Variants in BRI3BP observed in about 807,000 individuals in gnomAD.
The protein encoded by BRI3BP is BRI3 binding protein.
In BRI3BP, 7 loss-of-function variants were observed where a neutral mutation model predicts 15.8. The observed-to-expected ratio is 0.44, with a 90% CI of 0.25 to 0.83. BRI3BP has a LOEUF of 0.83. Ranked by LOEUF, BRI3BP falls within the 40% of genes least tolerant of loss-of-function variation. The pLI is 0.20. For synonymous variants in BRI3BP, 192 were observed against 163.5 expected, an observed-to-expected ratio of 1.17 and a Z score of -1.33; for missense variants, 320 against 339.3, an observed-to-expected ratio of 0.94 and a Z score of 0.45.
chr12:125,033,812 G>A (rs934119715), downstream of BRI3BP, among the ~76,000 whole-genome samples: 2 of 150,440 alleles, frequency 1.3e-5, no homozygotes, highest in South Asian at 2.1e-4. Flanking sequence ...GTGAGATCTC[G>A]CCTCACTGCA....
At chr12:125,003,957 A>ACACC (rs1491245989) in intron 1 of BRI3BP, among the ~76,000 whole-genome samples, 1 of 5,184 alleles carries the variant, frequency 1.9e-4, no homozygotes, top group African/African-American at 4.1e-3. Context: ...CATCTCAAAA[A>ACACC]CACACACACA....
At chr12:125,003,984 C>A (rs1955120046) in intron 1 of BRI3BP, among the ~76,000 whole-genome samples, 1 of 150,648 alleles carries the variant, frequency 6.6e-6, no homozygotes, top group African/African-American at 2.4e-5. Context: ...CACACACACA[C>A]ACACACACAC....
At chr12:125,017,042 G>C in intron 2 of BRI3BP, among the ~76,000 whole-genome samples, 1 of 147,760 alleles carries the variant, frequency 6.8e-6, no homozygotes, top group African/African-American at 2.5e-5. Flanking sequence ...TTCTGAGACC[G>C]AGTATTGCTC....
chr12:125,008,302 T>TTC (rs1955165454), intron 1 of BRI3BP, among the ~76,000 whole-genome samples: 2 of 55,904 alleles, frequency 3.6e-5, no homozygotes, highest in Admixed American at 3.6e-4. Flanking sequence ...CTTCTTTCTT[T>TTC]TTTTTTTTTT....
chr12:125,042,787 T>C, the BRI3BP span, among the ~76,000 whole-genome samples: 1 of 152,272 alleles, frequency 6.6e-6, no homozygotes, highest in African/African-American at 2.4e-5. Context: ...TCTGCCCCTC[T>C]TGGCCTCCCA....
Position 125,029,579 on chromosome 12 carries a change from T to TATATATAC in BRI3BP, c.*4150_*4151insTATATACA, listed in dbSNP as rs149881846. ...GTGTGTATATATATGTATATATATATACACACACACACACTTTCCAATACC... is the reference window on the plus strand; with the variant it reads ...GTGTGTATATATATGTATATATATATATATATACACACACACACACACTTTCCAATACC... On this transcript the variant is annotated 3_prime_UTR_variant, in exon 3 of 3. Coordinates refer to ENST00000341446, the MANE Select transcript of BRI3BP (RefSeq NM_080626.6). 1 of 147,540 alleles carries TATATATAC rather than the reference T, an allele frequency of 6.8e-6. No homozygotes were observed. Among genetic ancestry groups the TATATATAC allele is most frequent in the African/African-American group, 2.5e-5 (1 of 39,520 alleles). The allele number at this position is 147,540 out of a possible 1,614,324, so 9.1% of individuals were successfully genotyped here. A position where few individuals can be genotyped will look rare whatever the true frequency, so the allele number is the denominator to read the frequency against.
At chr12:124,994,071 C>T (rs1465151181) in intron 1 of BRI3BP, 68 bp downstream of exon 1, 2 of 1,076,172 alleles carry the variant, frequency 1.9e-6, no homozygotes, top group Non-Finnish European at 2.3e-6. Context: ...CCGGGGCCGA[C>T]CTGGGAGGAG....
rs569239346 is a variant in BRI3BP at position 125,026,636 on chromosome 12, T to A, written c.*1206T>A. On this transcript the variant is annotated 3_prime_UTR_variant, in exon 3 of 3. Transcript: ENST00000341446. Reference sequence around the variant, plus strand: ...TCAGGGGCTGGTAGAAACCCCCTTTTGTTAGGACTTGTTTTTTAAAAAAGA... The same window carrying A: ...TCAGGGGCTGGTAGAAACCCCCTTTAGTTAGGACTTGTTTTTTAAAAAAGA... 6.6e-6 allele frequency: 1 copy of A among 152,172 alleles called. No individual in the cohort carries two copies. Among genetic ancestry groups the A allele is most frequent in the South Asian group, 2.1e-4 (1 of 4,802 alleles). 9.4% of individuals were successfully genotyped at this position (152,172 alleles called of 1,614,324 possible).
the BRI3BP span, among the ~76,000 whole-genome samples, chr12:125,039,250 A>G: frequency 6.6e-6 from 1 of 152,226 alleles, no homozygotes; most frequent in Non-Finnish European, 1.5e-5. Context: ...CTGCACAGAG[A>G]GTGCAAGGCC....
At chr12:125,000,989 A>C (rs1955086658) in intron 1 of BRI3BP, among the ~76,000 whole-genome samples, 1 of 152,218 alleles carries the variant, frequency 6.6e-6, no homozygotes, top group Admixed American at 6.5e-5. Context: ...TTTAGTGTTC[A>C]TGTCTCTAGT....
Position 124,993,835 on chromosome 12 carries a change from CCTGCTGCTGCTG to C in BRI3BP, c.63_74del (p.Leu22_Leu25del), listed in dbSNP as rs61379857. 2.3e-4 allele frequency: 266 copies of C among 1,148,832 alleles called. No homozygotes were observed. Among genetic ancestry groups the C allele is most frequent in the African/African-American group, 1.7e-3 (101 of 59,730 alleles). 71.2% of individuals were successfully genotyped at this position (1,148,832 alleles called of 1,614,324 possible). ...GCGGGCCCCTGGCCCGGGCCGGGCT[CCTGCTGCTGCTG>C]CTGCTGCTGCTGCTGCTCGGGCTGC... On this transcript the variant is annotated inframe_deletion, in exon 1 of 3. Coordinates refer to ENST00000341446, the MANE Select transcript of BRI3BP (RefSeq NM_080626.6).
the BRI3BP span, among the ~76,000 whole-genome samples, chr12:125,039,884 C>A: frequency 3.3e-5 from 5 of 152,182 alleles, no homozygotes; most frequent in Non-Finnish European, 5.9e-5. Context: ...TGTGTGCTCT[C>A]CAAACAGAAT....
intron 1 of BRI3BP, among the ~76,000 whole-genome samples, chr12:125,001,509 G>A (rs913662064): frequency 5.9e-5 from 9 of 152,084 alleles, no homozygotes; most frequent in Non-Finnish European, 1.0e-4. Flanking sequence ...ACAAGCATGT[G>A]CCACCATGCC....
Position 124,993,923 on chromosome 12 carries a change from A to G in BRI3BP, c.133A>G (p.Ser45Gly). The change falls in exon 1 of 3, where the codon AGC becomes GGC. Residue 45 changes from serine to glycine, a missense_variant. By Grantham distance (56) the Ser-to-Gly change is moderately conservative. Transcript: ENST00000341446. ...GGGCCGCGGCGGCGCGGAGAAGAAC[A>G]GCTACCGCCGCACGGTCAACACCTT... ...ARGRGGAEKNSYRRTVNTFSQ... is the reference protein window; with the variant it reads ...ARGRGGAEKNGYRRTVNTFSQ... 7.5e-7 allele frequency: 1 copy of G among 1,334,164 alleles called. No individual in the cohort carries two copies. The highest frequency in any genetic ancestry group is 9.7e-7 in the Non-Finnish European group (1 of 1,031,878). The allele number at this position is 1,334,164 out of a possible 1,614,324, so 82.6% of individuals were successfully genotyped here. A position where few individuals can be genotyped will look rare whatever the true frequency, so the allele number is the denominator to read the frequency against.
At chr12:125,021,005 C>T (rs1018265328) in intron 2 of BRI3BP, among the ~76,000 whole-genome samples, 4 of 152,168 alleles carry the variant, frequency 2.6e-5, no homozygotes, top group Non-Finnish European at 2.9e-5. Context: ...GCTCTGGGGA[C>T]GCTTCAATAA....
intron 2 of BRI3BP, among the ~76,000 whole-genome samples, chr12:125,022,479 CTG>C (rs1955306744): frequency 6.7e-6 from 1 of 149,924 alleles, no homozygotes; most frequent in South Asian, 2.1e-4. Context: ...TCCTGGATAA[CTG>C]AGAAATTCAA....
the BRI3BP span, among the ~76,000 whole-genome samples, chr12:125,045,413 C>T: frequency 6.6e-6 from 1 of 152,180 alleles, no homozygotes; most frequent in Non-Finnish European, 1.5e-5. Flanking sequence ...TCCCGGCTCA[C>T]TGCAACCTCC....
At chr12:125,017,529 G>C (rs2135996538) in intron 2 of BRI3BP, among the ~76,000 whole-genome samples, 1 of 152,248 alleles carries the variant, frequency 6.6e-6, no homozygotes, top group Middle Eastern at 3.4e-3. Context: ...AAAATTATCA[G>C]GTGTCTCACA....
At chr12:125,018,157 G>A in intron 2 of BRI3BP, among the ~76,000 whole-genome samples, 1 of 152,188 alleles carries the variant, frequency 6.6e-6, no homozygotes. Context: ...CCCAGAGCCA[G>A]CTTCCCCTGC....
Sources: allele counts gnomAD v4.1 joint callset (sites outside exome capture counted in the v4.1 genomes callset), GRCh38; gene constraint gnomAD v4.1.1; transcripts MANE v1.5; gene names NCBI Gene and HGNC (gene_info 2026-07-23, HGNC 2026-07-21).